Variants in TMEM114 observed in about 807,000 individuals in gnomAD.
TMEM114 encodes the protein transmembrane protein 114.
TMEM114 carries 6 observed loss-of-function variants against 6.2 expected under a neutral mutation model. The observed-to-expected ratio is 0.97, with a 90% CI of 0.53 to 1.91. The LOEUF is 1.91. Among genes scored for constraint, TMEM114 ranks in the 40% most tolerant of loss-of-function variants. The probability of loss-of-function intolerance (pLI) is 0.01; values close to 1 mark genes in which losing one functional copy is unlikely to be tolerated. For missense variants in TMEM114, 218 were observed against 158.3 expected (o/e 1.38, Z -2.02); for synonymous variants, 104 against 73.0 (o/e 1.42, Z -2.16).
At chr16:8,539,372 C>T (rs1900453864) in intron 2 of TMEM114, among the ~76,000 whole-genome samples, 1 of 152,152 alleles carries the variant, frequency 6.6e-6, no homozygotes, top group African/African-American at 2.4e-5. Context: ...GACCCACTTA[C>T]CCAGAATACT....
chr16:8,544,765 T>C (rs185240820), intron 2 of TMEM114, among the ~76,000 whole-genome samples: 115 of 152,348 alleles, frequency 7.5e-4, no homozygotes, highest in African/African-American at 2.5e-3. Flanking sequence ...AGTTCAGTGA[T>C]GCGTTTAAAT....
At position 8,589,788 on chromosome 16, in the gene TMEM114, C is replaced by G; in HGVS notation, c.51G>C (p.Ala17=). 2 of 398,522 alleles carry G rather than the reference C, an allele frequency of 5.0e-6. No homozygotes were observed. The highest frequency in any genetic ancestry group is 8.8e-6 in the Non-Finnish European group (2 of 226,036). 24.7% of individuals were successfully genotyped at this position (398,522 alleles called of 1,614,324 possible). A position where few individuals can be genotyped will look rare whatever the true frequency, so the allele number is the denominator to read the frequency against. The stretch of plus-strand genomic sequence containing the variant: ...CGGCCGCCAGGAGCACAAAGCTGAG[C>G]GCCCCGGTCAGCGCAGCCGCGCCGG... ...GLAGAAALTG[A]LSFVLLAAAI... Residue 17 remains alanine (A), a synonymous_variant, in exon 1 of 4, where the codon GCG becomes GCC. Transcript: ENST00000620492.
intron 3 of TMEM114, 126 bp from the exon 4 acceptor site, chr16:8,570,131 C>A: frequency 7.7e-7 from 1 of 1,299,180 alleles, no homozygotes; most frequent in Non-Finnish European, 1.0e-6. Context: ...TGCTGCGGGA[C>A]CTTTGCGCGT....
At chr16:8,548,345 G>C (rs759961474) in intron 2 of TMEM114, among the ~76,000 whole-genome samples, 3 of 152,168 alleles carry the variant, frequency 2.0e-5, no homozygotes, top group African/African-American at 7.2e-5. Context: ...TATAACACAT[G>C]TTTCTTGAGT....
chr16:8,555,514 T>C (rs35607156), intron 2 of TMEM114, among the ~76,000 whole-genome samples: 65,010 of 151,978 alleles, frequency 0.43, 14,226 homozygotes, highest in East Asian at 0.52. Context: ...GGGGCAGTAA[T>C]TTCTGGGTGT....
downstream of TMEM114, among the ~76,000 whole-genome samples, chr16:8,533,142 A>T (rs1366414442): frequency 5.5e-5 from 6 of 109,676 alleles, no homozygotes; most frequent in African/African-American, 2.0e-4. Context: ...CAACAAATAA[A>T]GCACACATAA....
At chr16:8,575,185 G>C (rs1901877617) in intron 2 of TMEM114, among the ~76,000 whole-genome samples, 1 of 152,298 alleles carries the variant, frequency 6.6e-6, no homozygotes, top group South Asian at 2.1e-4. Flanking sequence ...TGACATACAA[G>C]CTGTGTGACT....
chr16:8,557,191 A>T (rs7189046), intron 2 of TMEM114, among the ~76,000 whole-genome samples: 54,677 of 152,012 alleles, frequency 0.36, 10,514 homozygotes, highest in African/African-American at 0.49. Context: ...CTTGTGAATC[A>T]GAACAGGCTG....
chr16:8,558,479 G>T (rs565825638), intron 2 of TMEM114, among the ~76,000 whole-genome samples: 1 of 152,176 alleles, frequency 6.6e-6, no homozygotes, highest in South Asian at 2.1e-4. Context: ...CCAGTCATTG[G>T]TTTTAGGGCC....
chr16:8,538,133 C>CAAAAAAAAAA, intron 2 of TMEM114, among the ~76,000 whole-genome samples: 1 of 76,350 alleles, frequency 1.3e-5, no homozygotes, highest in Non-Finnish European at 2.3e-5. Flanking sequence ...ACTGTCTCTA[C>CAAAAAAAAAA]AAAAAAAAAA....
At chr16:8,550,366 G>A (rs138596589) in intron 2 of TMEM114, among the ~76,000 whole-genome samples, 53 of 152,276 alleles carry the variant, frequency 3.5e-4, no homozygotes, top group African/African-American at 1.1e-3. Context: ...AATTTTGTTC[G>A]TGTTCTCTGG....
At chr16:8,563,086 TG>T (rs2141672801) in intron 2 of TMEM114, among the ~76,000 whole-genome samples, 1 of 138,336 alleles carries the variant, frequency 7.2e-6, no homozygotes, top group East Asian at 2.2e-4. Context: ...AGTGAATGAG[TG>T]AGTGAGGGAG....
chr16:8,569,932 G>C lies in TMEM114; in HGVS notation c.513C>G (p.Leu171=). The change falls in exon 4 of 4, where the codon CTC becomes CTG. Residue 171 remains leucine, a synonymous_variant. Transcript: ENST00000620492. The part of the protein sequence containing the change: ...SAAAFREALC[L]LEEKALLDQV... The stretch of plus-strand genomic sequence containing the variant: ...GGTCCAGGAGGGCCTTCTCCTCCAA[G>C]AGACACAGCGCCTCCCGGAAGGCGG... 6.4e-7 allele frequency: 1 copy of C among 1,551,174 alleles called. No homozygotes were observed. The highest frequency in any genetic ancestry group is 8.7e-7 in the Non-Finnish European group (1 of 1,146,964).
intron 3 of TMEM114, among the ~76,000 whole-genome samples, chr16:8,571,605 C>T (rs1280903311): frequency 1.0e-4 from 15 of 149,658 alleles, no homozygotes; most frequent in Non-Finnish European, 1.9e-4. Context: ...CCACCCCCAG[C>T]CTGTTCCATT....
the TMEM114 span, among the ~76,000 whole-genome samples, chr16:8,527,625 T>C: frequency 6.6e-6 from 1 of 152,318 alleles, no homozygotes; most frequent in African/African-American, 2.4e-5. Context: ...AGCCCCTTTC[T>C]TGTTCTGTGT....
intron 2 of TMEM114, among the ~76,000 whole-genome samples, chr16:8,563,355 G>C (rs1381209740): frequency 6.7e-6 from 1 of 148,436 alleles, no homozygotes; most frequent in South Asian, 2.2e-4. Flanking sequence ...GTAAATGAGT[G>C]AGTGAGGGAG....
At chr16:8,545,445 A>ACAT (rs954589307) in intron 2 of TMEM114, among the ~76,000 whole-genome samples, 5 of 152,016 alleles carry the variant, frequency 3.3e-5, no homozygotes, top group African/African-American at 7.2e-5. Context: ...AAAATAATCA[A>ACAT]CATCATCATC....
chr16:8,553,395 G>C (rs1052268737), intron 2 of TMEM114, among the ~76,000 whole-genome samples: 1 of 152,176 alleles, frequency 6.6e-6, no homozygotes, highest in Non-Finnish European at 1.5e-5. Flanking sequence ...AAGATTCAAG[G>C]ACTTGAATCT....
intron 2 of TMEM114, among the ~76,000 whole-genome samples, chr16:8,543,245 T>G (rs924759607): frequency 6.6e-6 from 1 of 152,178 alleles, no homozygotes; most frequent in African/African-American, 2.4e-5. Context: ...CTTGTTCATT[T>G]TTAAACACAT....
Sources: allele counts gnomAD v4.1 joint callset (sites outside exome capture counted in the v4.1 genomes callset), GRCh38; gene constraint gnomAD v4.1.1; transcripts MANE v1.5; gene names NCBI Gene and HGNC (gene_info 2026-07-23, HGNC 2026-07-21).